EPHA7: variants seen among roughly 807,000 people sequenced by gnomAD.
The protein encoded by EPHA7 is EPH receptor A7, also known as ephrin type-A receptor 7.
A neutral mutation model predicts 112.6 loss-of-function variants in EPHA7; 25 were observed. The ratio of observed to expected loss-of-function variants is 0.22; its 90% CI spans 0.16 to 0.31. EPHA7 has a LOEUF of 0.31. EPHA7 is among the 10% of genes least tolerant of loss of function. EPHA7 has a pLI of 1.00. For synonymous variants in EPHA7, 437 were observed against 406.5 expected (o/e 1.07, Z -0.90); for missense variants, 962 against 1,212.6 (o/e 0.79, Z 3.07).
At chr6:93,367,293 C>A (rs1293926051) in intron 3 of EPHA7, among the ~76,000 whole-genome samples, 1 of 152,076 alleles carries the variant, frequency 6.6e-6, no homozygotes, top group African/African-American at 2.4e-5. Context: ...AGCATTTATG[C>A]CACTGCCAAG....
At position 93,297,620 on chromosome 6, in the gene EPHA7, A is replaced by T. The variant is rs180976074; in HGVS notation, c.1325-25198T>A. On this transcript the variant is annotated intron_variant, in intron 5 of 16. Transcript: ENST00000369303. Reference sequence around the variant, plus strand: ...CTAAACCAAAGAAGAATTTTGAGAAATGGAAGGTTCTTTGTAAGTGCCAGT... The same window carrying T: ...CTAAACCAAAGAAGAATTTTGAGAATTGGAAGGTTCTTTGTAAGTGCCAGT... 1.8e-4 allele frequency among the ~76,000 whole-genome samples: 27 copies of T among 152,280 alleles called. 1 individual carries two copies. The highest frequency in any genetic ancestry group is 1.4e-3 in the Admixed American group (22 of 15,300).
At chr6:93,352,107 C>G (rs1321760119) in intron 5 of EPHA7, among the ~76,000 whole-genome samples, 1 of 152,022 alleles carries the variant, frequency 6.6e-6, no homozygotes, top group Admixed American at 6.6e-5. Flanking sequence ...TTTTGTACAG[C>G]TAGTATGCAG....
At chr6:93,382,689 C>T (rs531204430) in intron 3 of EPHA7, among the ~76,000 whole-genome samples, 15 of 152,232 alleles carry the variant, frequency 9.9e-5, no homozygotes, top group African/African-American at 3.1e-4. Context: ...TCCCTCACCA[C>T]TGTTTAAGCG....
At chr6:93,322,566 A>G (rs1351347570) in intron 5 of EPHA7, among the ~76,000 whole-genome samples, 1 of 151,562 alleles carries the variant, frequency 6.6e-6, no homozygotes, top group African/African-American at 2.4e-5. Context: ...CTCCTAAGGA[A>G]CATGCTCTTC....
At chr6:93,289,737 T>C (rs1421888928) in intron 5 of EPHA7, among the ~76,000 whole-genome samples, 1 of 152,236 alleles carries the variant, frequency 6.6e-6, no homozygotes, top group Non-Finnish European at 1.5e-5. Flanking sequence ...AGTTCTCTCA[T>C]TACATTTTGT....
intron 5 of EPHA7, among the ~76,000 whole-genome samples, chr6:93,331,722 G>T (rs1269878194): frequency 1.3e-5 from 2 of 151,580 alleles, no homozygotes; most frequent in Non-Finnish European, 3.0e-5. Flanking sequence ...TAATTTGTAT[G>T]TGTGTGGCAA....
intron 2 of EPHA7, among the ~76,000 whole-genome samples, chr6:93,412,345 T>G (rs1779018551): frequency 6.6e-6 from 1 of 152,132 alleles, no homozygotes; most frequent in African/African-American, 2.4e-5. Context: ...AATACTTGAT[T>G]TGAGTATTGA....
At chr6:93,356,620 C>T in intron 5 of EPHA7, 97 bp downstream of exon 5, 3 of 1,142,794 alleles carry the variant, frequency 2.6e-6, no homozygotes, top group Admixed American at 4.7e-5. Context: ...CTGGAAGAAT[C>T]AAGCTCTGTG....
At chr6:93,255,366 C>CAAT (rs1335919202) in intron 13 of EPHA7, among the ~76,000 whole-genome samples, 1 of 151,544 alleles carries the variant, frequency 6.6e-6, no homozygotes, top group Non-Finnish European at 1.5e-5. Flanking sequence ...ACAACAACAA[C>CAAT]AACAGCCACA....
intron 8 of EPHA7, 38 bp downstream of exon 8, chr6:93,264,556 C>T (rs747513828): frequency 4.6e-6 from 6 of 1,313,750 alleles, no homozygotes; most frequent in African/African-American, 1.5e-5. Context: ...AAAAACAATA[C>T]ATTTTATGTT....
chr6:93,338,600 A>T (rs1582550065), intron 5 of EPHA7, among the ~76,000 whole-genome samples: 1 of 152,014 alleles, frequency 6.6e-6, no homozygotes, highest in East Asian at 1.9e-4. Flanking sequence ...CAAAGTTCTC[A>T]ATTATACCTG....
At chr6:93,280,663 G>A (rs1261144309) in intron 5 of EPHA7, among the ~76,000 whole-genome samples, 1 of 152,094 alleles carries the variant, frequency 6.6e-6, no homozygotes, top group Non-Finnish European at 1.5e-5. Context: ...GTGACCTTGA[G>A]CAGAAAATTG....
At chr6:93,256,110 T>G in intron 12 of EPHA7, 73 bp from the exon 13 acceptor site, 1 of 1,351,512 alleles carries the variant, frequency 7.4e-7, no homozygotes, top group Non-Finnish European at 1.0e-6. Context: ...ATGAAAAATA[T>G]CTGCGTGCTA....
chr6:93,275,697 A>C (rs992065322), intron 5 of EPHA7, among the ~76,000 whole-genome samples: 2 of 152,014 alleles, frequency 1.3e-5, no homozygotes, highest in Non-Finnish European at 2.9e-5. Context: ...TTGATGAAAG[A>C]GTAAAGCAAA....
chr6:93,334,951 C>T (rs17687366), intron 5 of EPHA7, among the ~76,000 whole-genome samples: 11,416 of 151,996 alleles, frequency 0.075, 475 homozygotes, highest in South Asian at 0.16. Context: ...TAGGACAACA[C>T]AAGTGTGAAA....
intron 3 of EPHA7, among the ~76,000 whole-genome samples, chr6:93,399,281 A>T (rs961473861): frequency 6.6e-6 from 1 of 152,114 alleles, no homozygotes; most frequent in Non-Finnish European, 1.5e-5. Flanking sequence ...TTAGAGGTAT[A>T]TAAAAAGTGA....
chr6:93,325,524 A>G (rs893099013), intron 5 of EPHA7, among the ~76,000 whole-genome samples: 6 of 151,310 alleles, frequency 4.0e-5, no homozygotes, highest in Non-Finnish European at 7.4e-5. Context: ...TCATCCAACT[A>G]TACTCCACTC....
intron 5 of EPHA7, among the ~76,000 whole-genome samples, chr6:93,323,547 T>A (rs1774178190): frequency 6.6e-6 from 1 of 151,550 alleles, no homozygotes; most frequent in South Asian, 2.1e-4. Context: ...CAAAGTAGCA[T>A]GTTTTTCCTG....
chr6:93,259,123 C>A (rs1227623159), intron 10 of EPHA7, among the ~76,000 whole-genome samples: 1 of 151,990 alleles, frequency 6.6e-6, no homozygotes, highest in East Asian at 1.9e-4. Flanking sequence ...AGAACAATAT[C>A]TTAAAAATCC....
Sources: gnomAD v4.1 joint callset for allele counts (sites outside exome capture counted in the v4.1 genomes callset) on GRCh38, gnomAD v4.1.1 for gene constraint, MANE v1.5 for transcripts, NCBI Gene and HGNC (gene_info 2026-07-23, HGNC 2026-07-21) for gene names.